The following PTPRT variants were observed in gnomAD, a reference collection of about 807,000 sequenced individuals.
The protein encoded by PTPRT is receptor-type tyrosine-protein phosphatase T.
PTPRT carries 56 observed loss-of-function variants against 176.8 expected under a neutral mutation model. The ratio of observed to expected loss-of-function variants is 0.32; its 90% CI spans 0.26 to 0.40. The LOEUF is 0.40. PTPRT is among the 10% of genes least tolerant of loss of function. The probability of loss-of-function intolerance (pLI) is 1.00; values close to 1 mark genes in which losing one functional copy is unlikely to be tolerated. For missense variants in PTPRT, 1,540 were observed against 1,908.2 expected, an observed-to-expected ratio of 0.81 and a Z score of 3.60; for synonymous variants, 783 against 739.0, an observed-to-expected ratio of 1.06 and a Z score of -0.96.
At chr20:42,701,666 A>C (rs553138462) in intron 6 of PTPRT, among the ~76,000 whole-genome samples, 1 of 152,138 alleles carries the variant, frequency 6.6e-6, no homozygotes, top group Non-Finnish European at 1.5e-5. Flanking sequence ...ATTCCAAGGC[A>C]GAGCAAGATG....
chr20:42,943,172 A>G (rs1980674049), intron 1 of PTPRT, among the ~76,000 whole-genome samples: 1 of 152,224 alleles, frequency 6.6e-6, no homozygotes, highest in African/African-American at 2.4e-5. Context: ...ATATCCAGGC[A>G]GACAGAAGCC....
At chr20:42,312,400 A>C (rs559196800) in intron 12 of PTPRT, among the ~76,000 whole-genome samples, 63 of 152,326 alleles carry the variant, frequency 4.1e-4, no homozygotes, top group Non-Finnish European at 1.0e-4. Context: ...ATATGGAAAA[A>C]TTTGAGAGGG....
At chr20:42,580,846 G>T (rs1044719973) in intron 7 of PTPRT, among the ~76,000 whole-genome samples, 1 of 152,162 alleles carries the variant, frequency 6.6e-6, no homozygotes, top group African/African-American at 2.4e-5. Context: ...CATGTCATCT[G>T]CAAACAGGGA....
intron 9 of PTPRT, among the ~76,000 whole-genome samples, chr20:42,352,509 G>A (rs755272777): frequency 2.0e-5 from 3 of 152,152 alleles, no homozygotes; most frequent in Non-Finnish European, 2.9e-5. Flanking sequence ...TCATTGATTT[G>A]TAGGAGTTAA....
chr20:42,067,360 A>G, the PTPRT span, among the ~76,000 whole-genome samples: 4 of 152,148 alleles, frequency 2.6e-5, no homozygotes, highest in Non-Finnish European at 5.9e-5. Flanking sequence ...AATTTTCTCC[A>G]TTAGGAGCTA....
chr20:42,329,757 A>T (rs1600843611), intron 11 of PTPRT, among the ~76,000 whole-genome samples: 2 of 152,138 alleles, frequency 1.3e-5, no homozygotes, highest in East Asian at 3.8e-4. Context: ...AATTTCCCAA[A>T]TGTCAGTATT....
At chr20:42,980,709 T>C (rs921431102) in intron 1 of PTPRT, among the ~76,000 whole-genome samples, 3 of 152,186 alleles carry the variant, frequency 2.0e-5, no homozygotes, top group East Asian at 3.8e-4. Context: ...TCCTTCCCCT[T>C]GGTTTGACTA....
At chr20:42,174,107 TAGAA>T (rs1431698016) in intron 16 of PTPRT, among the ~76,000 whole-genome samples, 9 of 152,180 alleles carry the variant, frequency 5.9e-5, no homozygotes, top group Non-Finnish European at 1.0e-4. Context: ...GGCTTAGTGT[TAGAA>T]AGATTAATAT....
chr20:43,041,723 T>G (rs1247977737), intron 1 of PTPRT, among the ~76,000 whole-genome samples: 1 of 152,246 alleles, frequency 6.6e-6, no homozygotes. Context: ...CAACAAGTGT[T>G]GGCAAGCTGC....
At chr20:42,951,877 TC>T (rs1713110853) in intron 1 of PTPRT, among the ~76,000 whole-genome samples, 1 of 152,130 alleles carries the variant, frequency 6.6e-6, no homozygotes, top group Non-Finnish European at 1.5e-5. Flanking sequence ...ATTGTACCTA[TC>T]TCCCAGAGTT....
Position 42,780,239 on chromosome 20 carries a change from G to A in PTPRT, c.547C>T (p.Arg183Trp), listed in dbSNP as rs776612407. 3.1e-6 allele frequency: 5 copies of A among 1,613,866 alleles called. No individual in the cohort carries two copies. The highest frequency in any genetic ancestry group is 1.7e-5 in the Admixed American group (1 of 60,008). Reference sequence around the variant, plus strand: ...TTACTGCATGGATGAGCAAGGACCCGGACCTCGTCCACGGCGATGTAGCCA... The same window carrying A: ...TTACTGCATGGATGAGCAAGGACCCAGACCTCGTCCACGGCGATGTAGCCA... ...HPGYIAVDEV[R>W]VLAHPCRKAP... Residue 183 changes from arginine (R) to tryptophan (W), a missense_variant, in exon 4 of 31, where the codon CGG (arginine) becomes TGG (tryptophan). By Grantham distance (101) the Arg-to-Trp change is moderately radical (BLOSUM62 -3). This residue lies in a region of PTPRT where 273 missense variants were observed against 432.1 expected (regional missense o/e 0.63). Coordinates refer to ENST00000373187, the MANE Select transcript of PTPRT (RefSeq NM_007050.6).
intron 2 of PTPRT, among the ~76,000 whole-genome samples, chr20:42,841,762 GATATATCACAC>G (rs768504766): frequency 1.1e-4 from 17 of 152,216 alleles, no homozygotes; most frequent in Non-Finnish European, 2.5e-4. Context: ...TATTACAAGA[GATATATCACAC>G]ATGTGGGTAT....
intron 12 of PTPRT, among the ~76,000 whole-genome samples, chr20:42,300,060 C>G (rs1024267963): frequency 1.3e-5 from 2 of 151,252 alleles, no homozygotes; most frequent in Non-Finnish European, 3.0e-5. Flanking sequence ...GTGTTTGAGA[C>G]CAGCCTGGCC....
chr20:42,239,649 C>T (rs963983722), intron 14 of PTPRT, among the ~76,000 whole-genome samples: 6 of 152,080 alleles, frequency 3.9e-5, no homozygotes, highest in Non-Finnish European at 8.8e-5. Flanking sequence ...GTCTCGATCT[C>T]CTGACCTCGT....
intron 27 of PTPRT, among the ~76,000 whole-genome samples, chr20:42,096,758 T>TAAA (rs1568924860): frequency 2.7e-5 from 2 of 73,874 alleles, no homozygotes; most frequent in African/African-American, 9.4e-5. Context: ...TAATTAAAAT[T>TAAA]TTTTTTTTTT....
chr20:42,889,342 T>A (rs1196582330), intron 1 of PTPRT, among the ~76,000 whole-genome samples: 1 of 152,226 alleles, frequency 6.6e-6, no homozygotes, highest in Non-Finnish European at 1.5e-5. Flanking sequence ...GTGACCCAAT[T>A]TTTATTTTCA....
chr20:43,113,432 C>T (rs1343646791), intron 1 of PTPRT, among the ~76,000 whole-genome samples: 1 of 152,200 alleles, frequency 6.6e-6, no homozygotes, highest in Non-Finnish European at 1.5e-5. Context: ...GAACAGTTCA[C>T]ATTGGATCCT....
At chr20:42,819,468 T>C (rs1488042159) in intron 2 of PTPRT, among the ~76,000 whole-genome samples, 1 of 152,028 alleles carries the variant, frequency 6.6e-6, no homozygotes, top group Non-Finnish European at 1.5e-5. Context: ...TAAAGACCAA[T>C]GAAACTATGG....
intron 1 of PTPRT, among the ~76,000 whole-genome samples, chr20:43,040,690 C>T (rs1016670062): frequency 6.6e-6 from 1 of 152,330 alleles, no homozygotes; most frequent in East Asian, 1.9e-4. Context: ...CGGTTTGTCT[C>T]TTCTTTCCTT....
Sources: gnomAD v4.1 joint callset for allele counts (sites outside exome capture counted in the v4.1 genomes callset) on GRCh38, gnomAD v4.1.1 for gene constraint, gnomAD v4.1.1 regional missense constraint, MANE v1.5 for transcripts, NCBI Gene and HGNC (gene_info 2026-07-23, HGNC 2026-07-21) for gene names.